Variants in SMIM14 observed in about 807,000 individuals in gnomAD.
SMIM14 encodes small integral membrane protein 14, also known as chromosome 4 open reading frame 34.
In SMIM14, 5 loss-of-function variants were observed where a neutral mutation model predicts 12.6. That is an observed-to-expected ratio of 0.40 (90% CI 0.21 to 0.83). SMIM14 has a LOEUF of 0.83. Ranked by LOEUF, SMIM14 falls within the 40% of genes least tolerant of loss-of-function variation. The probability of loss-of-function intolerance (pLI) is 0.37; values close to 1 mark genes in which losing one functional copy is unlikely to be tolerated. For missense variants in SMIM14, 86 were observed against 119.1 expected (o/e 0.72, Z 1.29); for synonymous variants, 30 against 40.1 (o/e 0.75, Z 0.95).
intron 1 of SMIM14, among the ~76,000 whole-genome samples, chr4:39,620,503 AAT>A (rs1440238766): frequency 6.6e-6 from 1 of 152,112 alleles, no homozygotes; most frequent in Non-Finnish European, 1.5e-5. Flanking sequence ...TAAAAATAAA[AAT>A]AATTTTTTTT....
rs763948747 is a variant in SMIM14 at position 39,637,079 on chromosome 4, A to C, written c.-36+1660T>G. 4.3e-4 allele frequency among the ~76,000 whole-genome samples: 65 copies of C among 152,224 alleles called. 1 individual carries two copies. Among genetic ancestry groups the C allele is most frequent in the Admixed American group, 7.9e-4 (12 of 15,274 alleles). The stretch of plus-strand genomic sequence containing the variant: ...AAAAAGAAGTACTAGAATGTGAAAA[A>C]GCAGGTTATGTACTGAAAAGCATAT... On this transcript the variant is annotated intron_variant, in intron 1 of 4. Coordinates refer to ENST00000295958, the MANE Select transcript of SMIM14 (RefSeq NM_174921.3).
chr4:39,577,141 T>C (rs1447872016), intron 2 of SMIM14, among the ~76,000 whole-genome samples: 1 of 152,086 alleles, frequency 6.6e-6, no homozygotes, highest in African/African-American at 2.4e-5. Flanking sequence ...GACCAGTGTT[T>C]TTCTTCAGCA....
In SMIM14 at chr4:39,547,100, C is replaced by G. The variant is rs1413309679; in HGVS notation, c.*5026G>C. On this transcript the variant is annotated 3_prime_UTR_variant, in exon 5 of 5. Coordinates refer to ENST00000295958, the MANE Select transcript of SMIM14 (RefSeq NM_174921.3). ...TGCAATCTAATTTCCAAGAGAGAAA[C>G]TCTACTTCTGAATACTGGCCCCATA... 1.3e-5 allele frequency: 2 copies of G among 152,114 alleles called. No homozygotes were observed. Among genetic ancestry groups the G allele is most frequent in the Non-Finnish European group, 2.9e-5 (2 of 68,004 alleles). The allele number at this position is 152,114 out of a possible 1,614,324, so 9.4% of individuals were successfully genotyped here.
chr4:39,557,816 A>G (rs1712097092), intron 3 of SMIM14, among the ~76,000 whole-genome samples: 1 of 152,234 alleles, frequency 6.6e-6, no homozygotes, highest in Admixed American at 6.5e-5. Flanking sequence ...TTACAGAGGC[A>G]TCATGAAAAA....
Position 39,572,411 on chromosome 4 carries a change from T to C in SMIM14, c.124+4A>G. 6.3e-7 allele frequency: 1 copy of C among 1,597,672 alleles called. No individual in the cohort carries two copies. Among genetic ancestry groups the C allele is most frequent in the Non-Finnish European group, 8.5e-7 (1 of 1,170,694 alleles). ...ATCCTTCCTCCTGTCTCAGTGGTAC[T>C]TACATTCCTGAAGACACTCTGTGTC... On this transcript the variant is annotated splice_donor_region_variant and intron_variant, in intron 3 of 4. Transcript: ENST00000295958.
At chr4:39,610,372 T>C (rs1375400058) in intron 1 of SMIM14, among the ~76,000 whole-genome samples, 1 of 152,142 alleles carries the variant, frequency 6.6e-6, no homozygotes, top group Non-Finnish European at 1.5e-5. Flanking sequence ...AATTGACCCA[T>C]GATTTTACTG....
chr4:39,560,341 G>T (rs1409395847), intron 3 of SMIM14, among the ~76,000 whole-genome samples: 1 of 147,144 alleles, frequency 6.8e-6, no homozygotes, highest in Non-Finnish European at 1.5e-5. Flanking sequence ...TCTGCCTCCT[G>T]GGTTTTATTT....
intron 2 of SMIM14, among the ~76,000 whole-genome samples, chr4:39,596,938 G>A (rs921773722): frequency 7.2e-5 from 11 of 151,926 alleles, no homozygotes; most frequent in South Asian, 2.1e-4. Flanking sequence ...AAGATGCCCC[G>A]CTAATTTTTG....
At chr4:39,610,238 C>T (rs1714974747) in intron 1 of SMIM14, among the ~76,000 whole-genome samples, 1 of 152,108 alleles carries the variant, frequency 6.6e-6, no homozygotes, top group African/African-American at 2.4e-5. Flanking sequence ...CCTCCCTCCT[C>T]AGCCTCCCAA....
At chr4:39,607,783 G>A (rs1714868075) in intron 1 of SMIM14, among the ~76,000 whole-genome samples, 1 of 151,818 alleles carries the variant, frequency 6.6e-6, no homozygotes, top group African/African-American at 2.4e-5. Flanking sequence ...CAAATCATCT[G>A]TTTGATAAAG....
At chr4:39,602,803 A>T (rs1375795799) in intron 2 of SMIM14, among the ~76,000 whole-genome samples, 1 of 152,044 alleles carries the variant, frequency 6.6e-6, no homozygotes, top group Non-Finnish European at 1.5e-5. Flanking sequence ...GTGCATGCTG[A>T]CTCTAAAAAA....
At chr4:39,565,209 C>CTTG (rs2109996481) in intron 3 of SMIM14, among the ~76,000 whole-genome samples, 1 of 152,294 alleles carries the variant, frequency 6.6e-6, no homozygotes, top group East Asian at 1.9e-4. Context: ...CAGAGTAAGA[C>CTTG]TTTGTCTCCA....
rs1262137173 is a variant in SMIM14 at position 39,547,355 on chromosome 4, C to G, written c.*4771G>C. On this transcript the variant is annotated 3_prime_UTR_variant, in exon 5 of 5. Transcript: ENST00000295958. ...AAAGTGCATAGTACAAGCCCTTTAT[C>G]CCAATCCAAGTACTCAGAAAAAGAT... 1 of 152,184 alleles carries G rather than the reference C, an allele frequency of 6.6e-6. No individual in the cohort carries two copies. The highest frequency in any genetic ancestry group is 2.4e-5 in the African/African-American group (1 of 41,438). The allele number at this position is 152,184 out of a possible 1,614,324, so 9.4% of individuals were successfully genotyped here.
chr4:39,610,886 G>A (rs1715007305), intron 1 of SMIM14, among the ~76,000 whole-genome samples: 3 of 151,920 alleles, frequency 2.0e-5, no homozygotes, highest in South Asian at 4.2e-4. Flanking sequence ...ATAACTACAA[G>A]AAGATGACTG....
At chr4:39,566,687 G>A (rs1001036363) in intron 3 of SMIM14, among the ~76,000 whole-genome samples, 8 of 151,866 alleles carry the variant, frequency 5.3e-5, no homozygotes, top group African/African-American at 1.9e-4. Context: ...ACAAAAATTA[G>A]GCCAGGCGTG....
chr4:39,591,186 GT>G (rs954667170), intron 2 of SMIM14, among the ~76,000 whole-genome samples: 1 of 151,848 alleles, frequency 6.6e-6, no homozygotes, highest in Non-Finnish European at 1.5e-5. Context: ...TTATGCTATT[GT>G]TTTATTATTT....
chr4:39,567,582 C>G (rs904445420), intron 3 of SMIM14, among the ~76,000 whole-genome samples: 2 of 151,830 alleles, frequency 1.3e-5, no homozygotes, highest in Non-Finnish European at 1.5e-5. Context: ...ACTAAAAATA[C>G]AAAAATTAGC....
intron 1 of SMIM14, among the ~76,000 whole-genome samples, chr4:39,605,701 T>A (rs1363357627): frequency 1.3e-5 from 2 of 152,186 alleles, no homozygotes; most frequent in Admixed American, 6.6e-5. Context: ...AACAATTTTT[T>A]AAAAATTAGA....
chr4:39,590,444 C>A (rs1037160494), intron 2 of SMIM14, among the ~76,000 whole-genome samples: 1 of 151,326 alleles, frequency 6.6e-6, no homozygotes, highest in Admixed American at 6.6e-5. Context: ...CATGATTAGA[C>A]GGGGATTTTG....
Sources: allele counts gnomAD v4.1 joint callset (sites outside exome capture counted in the v4.1 genomes callset), GRCh38; gene constraint gnomAD v4.1.1; transcripts MANE v1.5; gene names NCBI Gene and HGNC (gene_info 2026-07-23, HGNC 2026-07-21).